The following ZFP82 variants were observed in gnomAD, a reference collection of about 807,000 sequenced individuals.
The protein encoded by ZFP82 is ZFP82 zinc finger protein, also known as zinc finger protein 82 homolog.
A neutral mutation model predicts 54.0 loss-of-function variants in ZFP82; 30 were observed. The ratio of observed to expected loss-of-function variants is 0.56; its 90% CI spans 0.42 to 0.75. The LOEUF (loss-of-function observed/expected upper bound fraction) is 0.75, where lower values mean the gene tolerates loss of function less well. ZFP82 is among the 30% of genes least tolerant of loss of function. ZFP82 has a pLI of 0.00. For missense variants in ZFP82, 500 were observed against 636.8 expected, an observed-to-expected ratio of 0.79 and a Z score of 2.31; for synonymous variants, 194 against 209.5, an observed-to-expected ratio of 0.93 and a Z score of 0.64.
chr19:36,401,550 C>A (rs2032385093), intron 4 of ZFP82, among the ~76,000 whole-genome samples: 1 of 152,250 alleles, frequency 6.6e-6, no homozygotes, highest in Admixed American at 6.5e-5. Flanking sequence ...ATGAGCCTAA[C>A]AGCTTCTTAC....
Position 36,393,531 on chromosome 19 carries a change from G to T in ZFP82, c.809C>A (p.Thr270Asn). 3 of 1,614,070 alleles carry T rather than the reference G, an allele frequency of 1.9e-6. No homozygotes were observed. Among genetic ancestry groups the T allele is most frequent in the Non-Finnish European group, 2.5e-6 (3 of 1,179,980 alleles). ...GKAFRVRGQL[T>N]LHQRIHTGEK... ...ACCAGTATGAATCCTCTGATGCAGA[G>T]TAAGTTGTCCTCGTACCCTAAAAGC... is the stretch of plus-strand genomic sequence containing the variant. Residue 270 changes from threonine (T) to asparagine (N), a missense_variant, in exon 5 of 5, where the codon ACT becomes AAT. Coordinates refer to ENST00000392161, the MANE Select transcript of ZFP82 (RefSeq NM_133466.4).
intron 4 of ZFP82, among the ~76,000 whole-genome samples, chr19:36,402,137 T>C (rs2032395226): frequency 6.6e-6 from 1 of 152,202 alleles, no homozygotes; most frequent in Admixed American, 6.5e-5. Flanking sequence ...GTGTTAATAA[T>C]TGCAAATGTC....
chr19:36,412,696 T>A lies in ZFP82; in HGVS notation c.-78-2829A>T, dbSNP rs73928642. ...AATCTTCTTGTGCTGTTCATTTGCA[T>A]CAACATCATGAAAATAAAAACTATA... is the stretch of plus-strand genomic sequence containing the variant. On this transcript the variant is annotated intron_variant, in intron 1 of 4. Transcript: ENST00000392161. 4.9e-3 allele frequency among the ~76,000 whole-genome samples: 750 copies of A among 152,324 alleles called. 11 individuals are homozygous for A. Among genetic ancestry groups the A allele is most frequent in the African/African-American group, 0.017 (721 of 41,554 alleles).
At chr19:36,416,453 T>C (rs1274418245) in intron 1 of ZFP82, among the ~76,000 whole-genome samples, 2 of 152,206 alleles carry the variant, frequency 1.3e-5, no homozygotes, top group Non-Finnish European at 2.9e-5. Context: ...AAATTACTTC[T>C]GGTTAAGAAT....
chr19:36,397,834 C>T (rs1365968123), intron 4 of ZFP82, among the ~76,000 whole-genome samples: 1 of 152,114 alleles, frequency 6.6e-6, no homozygotes, highest in Non-Finnish European at 1.5e-5. Context: ...GATCCACCCG[C>T]CTCAGCCTCC....
chr19:36,408,087 A>G, intron 2 of ZFP82, 74 bp from the exon 3 acceptor site: 1 of 1,539,442 alleles, frequency 6.5e-7, no homozygotes, highest in Non-Finnish European at 8.9e-7. Flanking sequence ...AAAAGAAGGA[A>G]GAGATATTGC....
At chr19:36,387,939 C>T (rs895764930), downstream of ZFP82, among the ~76,000 whole-genome samples, 4 of 152,128 alleles carry the variant, frequency 2.6e-5, no homozygotes, top group Admixed American at 6.6e-5. Flanking sequence ...GAACACAAAA[C>T]AGACTAAGAA....
At chr19:36,415,257 A>C (rs1214075093) in intron 1 of ZFP82, among the ~76,000 whole-genome samples, 4 of 152,228 alleles carry the variant, frequency 2.6e-5, no homozygotes, top group Non-Finnish European at 5.9e-5. Flanking sequence ...TTAGAATAGT[A>C]ATATTTATTG....
intron 4 of ZFP82, among the ~76,000 whole-genome samples, chr19:36,400,881 C>G (rs1483850010): frequency 6.6e-6 from 1 of 152,162 alleles, no homozygotes; most frequent in Non-Finnish European, 1.5e-5. Context: ...ACAAACCCTT[C>G]TCTCATCAAG....
At chr19:36,413,080 A>G (rs1233818372) in intron 1 of ZFP82, among the ~76,000 whole-genome samples, 1 of 152,262 alleles carries the variant, frequency 6.6e-6, no homozygotes, top group Non-Finnish European at 1.5e-5. Context: ...AAATATTTGT[A>G]AAAGTATACA....
chr19:36,402,191 G>A (rs907395811), intron 4 of ZFP82, among the ~76,000 whole-genome samples: 1 of 152,106 alleles, frequency 6.6e-6, no homozygotes, highest in Non-Finnish European at 1.5e-5. Flanking sequence ...TTAGGAGGCC[G>A]GGCACAGTGG....
At chr19:36,406,165 A>C (rs1008210235) in intron 3 of ZFP82, among the ~76,000 whole-genome samples, 3 of 152,232 alleles carry the variant, frequency 2.0e-5, no homozygotes, top group African/African-American at 7.2e-5. Context: ...GAGGAAAAAT[A>C]AGCTTTCTGG....
At chr19:36,395,561 T>C (rs1187039510) in intron 4 of ZFP82, 1 of 152,162 alleles carries the variant, frequency 6.6e-6, no homozygotes, top group East Asian at 1.9e-4. Flanking sequence ...CTAACAGAAG[T>C]CACGTTACAT....
chr19:36,409,979 C>G (rs1370670524), intron 1 of ZFP82, 112 bp from the exon 2 acceptor site: 13 of 589,262 alleles, frequency 2.2e-5, no homozygotes, highest in Middle Eastern at 8.9e-4. Context: ...ACAGCTCCTC[C>G]AACACACACG....
chr19:36,384,680 A>T (rs1325476784), downstream of ZFP82, among the ~76,000 whole-genome samples: 4 of 152,186 alleles, frequency 2.6e-5, no homozygotes, highest in Non-Finnish European at 4.4e-5. Context: ...ATTTTGAGTA[A>T]AGGTACTGTC....
chr19:36,409,391 T>C (rs1439756340), intron 2 of ZFP82, among the ~76,000 whole-genome samples: 2 of 152,210 alleles, frequency 1.3e-5, no homozygotes, highest in African/African-American at 2.4e-5. Context: ...GTCAACCTCC[T>C]GAACAGGAGG....
intron 4 of ZFP82, among the ~76,000 whole-genome samples, chr19:36,403,033 C>T (rs1372692601): frequency 6.6e-6 from 1 of 151,858 alleles, no homozygotes. Context: ...GTTCCAGCTT[C>T]TCGGGAGGCT....
rs202056836 is a variant in ZFP82, at chr19:36,392,918, G to A, written c.1422C>T (p.Gly474=). The part of the protein sequence containing the change: ...KLTLHQSIHT[G]EKPFECKECR... ...ATTCCTTACACTCAAAGGGTTTTTC[G>A]CCAGTATGAATGCTCTGATGTAGAG... The change falls in exon 5 of 5, where the codon GGC becomes GGT. Residue 474 remains glycine, a synonymous_variant. Coordinates refer to ENST00000392161, the MANE Select transcript of ZFP82 (RefSeq NM_133466.4). 103 of 1,612,770 alleles carry A rather than the reference G, an allele frequency of 6.4e-5. No homozygotes were observed. Among genetic ancestry groups the A allele is most frequent in the Non-Finnish European group, 7.1e-5 (84 of 1,179,622 alleles).
rs549736096 is a variant in ZFP82 at position 36,389,307 on chromosome 19, C to A, written c.*3434G>T. Among the ~76,000 whole-genome samples the A allele has an allele frequency of 1.3e-5, 2 of 151,928 alleles. No homozygotes were observed. Among genetic ancestry groups the A allele is most frequent in the South Asian group, 2.1e-4 (1 of 4,826 alleles). On this transcript the variant is annotated 3_prime_UTR_variant, in exon 5 of 5. Coordinates refer to ENST00000392161, the MANE Select transcript of ZFP82 (RefSeq NM_133466.4). ...CCCACCTTGGCCTCCCAAAGTACTG[C>A]GATTACAGGCATGAGCCACCACGCC... is the stretch of plus-strand genomic sequence containing the variant.
Sources: allele counts gnomAD v4.1 joint callset (sites outside exome capture counted in the v4.1 genomes callset), GRCh38; gene constraint gnomAD v4.1.1; transcripts MANE v1.5; gene names NCBI Gene and HGNC (gene_info 2026-07-23, HGNC 2026-07-21).